The following CTNNA3 variants were observed in gnomAD, a reference collection of about 807,000 sequenced individuals.
CTNNA3 encodes catenin alpha 3, also known as catenin alpha-3.
Under a neutral mutation model 95.7 loss-of-function variants are expected in CTNNA3, and 76 were observed. The ratio of observed to expected loss-of-function variants is 0.79; its 90% CI spans 0.66 to 0.96. The LOEUF (loss-of-function observed/expected upper bound fraction) is 0.96, where lower values mean the gene tolerates loss of function less well. CTNNA3 is among the 40% of genes least tolerant of loss of function. The probability of loss-of-function intolerance (pLI) is 0.00; values close to 1 mark genes in which losing one functional copy is unlikely to be tolerated. For missense variants in CTNNA3, 1,191 were observed against 1,089.8 expected, an observed-to-expected ratio of 1.09 and a Z score of -1.31; for synonymous variants, 431 against 374.4, an observed-to-expected ratio of 1.15 and a Z score of -1.74.
At chr10:67,626,550 A>T (rs971640723) in intron 2 of CTNNA3, among the ~76,000 whole-genome samples, 3 of 152,214 alleles carry the variant, frequency 2.0e-5, no homozygotes, top group Admixed American at 2.0e-4. Context: ...TCTGATACAC[A>T]TGAAGGGATC....
intron 16 of CTNNA3, among the ~76,000 whole-genome samples, chr10:65,980,245 G>C (rs2078290700): frequency 6.6e-6 from 1 of 151,696 alleles, no homozygotes; most frequent in Non-Finnish European, 1.5e-5. Context: ...TAAATTCCTG[G>C]AAATATATAA....
intron 11 of CTNNA3, among the ~76,000 whole-genome samples, chr10:66,491,438 C>G (rs776714908): frequency 3.9e-5 from 6 of 152,096 alleles, no homozygotes; most frequent in African/African-American, 9.7e-5. Context: ...GTGGAAGAAG[C>G]CTATGAACTT....
intron 7 of CTNNA3, among the ~76,000 whole-genome samples, chr10:67,142,425 G>C (rs938033962): frequency 6.6e-6 from 1 of 152,054 alleles, no homozygotes; most frequent in Admixed American, 6.6e-5. Context: ...ATTACAATGA[G>C]TGAACCTGCT....
At chr10:66,146,019 A>C (rs1261933147) in intron 13 of CTNNA3, among the ~76,000 whole-genome samples, 1 of 152,032 alleles carries the variant, frequency 6.6e-6, no homozygotes, top group African/African-American at 2.4e-5. Context: ...AAGCCCTGCT[A>C]ATGTTTGTGT....
At chr10:66,443,619 T>C (rs1213718441) in intron 11 of CTNNA3, among the ~76,000 whole-genome samples, 4 of 152,126 alleles carry the variant, frequency 2.6e-5, no homozygotes, top group African/African-American at 7.2e-5. Flanking sequence ...GGGTCCTGTC[T>C]GTTAGAAGGA....
chr10:66,003,758 A>G (rs1022013259), intron 15 of CTNNA3, among the ~76,000 whole-genome samples: 2 of 152,212 alleles, frequency 1.3e-5, no homozygotes, highest in African/African-American at 4.8e-5. Context: ...ACATAACATA[A>G]TAACAAACAT....
chr10:66,926,374 C>CGGTGTTG (rs1847074565), intron 7 of CTNNA3: 1 of 632,736 alleles, frequency 1.6e-6, no homozygotes, highest in South Asian at 1.8e-5. Context: ...GCTGCGAATG[C>CGGTGTTG]GGTGTTGGGA....
At chr10:67,518,235 T>C (rs1292319230) in intron 5 of CTNNA3, among the ~76,000 whole-genome samples, 1 of 152,142 alleles carries the variant, frequency 6.6e-6, no homozygotes, top group African/African-American at 2.4e-5. Flanking sequence ...CTAAATTGTA[T>C]GACACAAATA....
At chr10:67,248,049 A>G (rs1285815299) in intron 5 of CTNNA3, among the ~76,000 whole-genome samples, 1 of 152,198 alleles carries the variant, frequency 6.6e-6, no homozygotes, top group Non-Finnish European at 1.5e-5. Flanking sequence ...GGCCTCGTGC[A>G]GTGGCTCACG....
chr10:66,408,266 G>T (rs769884519), intron 11 of CTNNA3, among the ~76,000 whole-genome samples: 2 of 152,086 alleles, frequency 1.3e-5, no homozygotes, highest in South Asian at 4.2e-4. Flanking sequence ...CATGGATGTG[G>T]AAATCCAGTT....
chr10:66,900,417 A>G (rs2132522768), intron 7 of CTNNA3, among the ~76,000 whole-genome samples: 1 of 152,344 alleles, frequency 6.6e-6, no homozygotes, highest in South Asian at 2.1e-4. Context: ...GATGGGGAGA[A>G]ACCAGAACAG....
Position 67,363,855 on chromosome 10 carries a change from C to T in CTNNA3, c.580-143985G>A, listed in dbSNP as rs539472384. 2.0e-5 allele frequency among the ~76,000 whole-genome samples: 3 copies of T among 152,256 alleles called. No individual in the cohort carries two copies. The South Asian group carries it at 6.2e-4, about 32-fold the overall frequency. On this transcript the variant is annotated intron_variant, in intron 5 of 17. Transcript: ENST00000433211. ...TAATAGCCTACCAATCAAGAACAGTCCAGGACCAGACATATTCACAGCCAA... is the reference window on the plus strand; with the variant it reads ...TAATAGCCTACCAATCAAGAACAGTTCAGGACCAGACATATTCACAGCCAA...
intron 2 of CTNNA3, among the ~76,000 whole-genome samples, chr10:67,608,792 A>T (rs1843358674): frequency 6.6e-6 from 1 of 152,142 alleles, no homozygotes; most frequent in South Asian, 2.1e-4. Context: ...TTACATTATT[A>T]AAAAACACCC....
At chr10:67,560,952 T>C (rs531324379) in intron 3 of CTNNA3, among the ~76,000 whole-genome samples, 2,804 of 151,488 alleles carry the variant, frequency 0.019, 41 homozygotes, top group Non-Finnish European at 0.025. Flanking sequence ...CCTAAATATA[T>C]ATGCACCAAA....
intron 15 of CTNNA3, among the ~76,000 whole-genome samples, chr10:66,044,406 ATGTT>A (rs892991454): frequency 2.0e-5 from 3 of 151,764 alleles, no homozygotes; most frequent in African/African-American, 4.8e-5. Context: ...ACACCCTTTA[ATGTT>A]TGTTTATCTT....
chr10:66,567,265 G>A (rs1046167049), intron 10 of CTNNA3, among the ~76,000 whole-genome samples: 2 of 152,010 alleles, frequency 1.3e-5, no homozygotes, highest in African/African-American at 4.8e-5. Context: ...TGAAGAAAGA[G>A]ATGATGTTTC....
Position 66,617,561 on chromosome 10 carries a change from C to A in CTNNA3, c.1374+4131G>T, listed in dbSNP as rs557192238. On this transcript the variant is annotated intron_variant, in intron 10 of 17. Transcript: ENST00000433211. ...AATCAGGTATTGATGGGACGTATCT[C>A]AAAATAATAAGAGCTATCTATGACA... Among the ~76,000 whole-genome samples, 74 of 152,154 alleles carry A rather than the reference C, an allele frequency of 4.9e-4. No individual in the cohort carries two copies. In the South Asian group the frequency reaches 0.014, roughly 29 times the overall value.
rs572151037 is a variant in CTNNA3 at position 66,429,059 on chromosome 10, T to G, written c.1532-49707A>C. 7.9e-5 allele frequency among the ~76,000 whole-genome samples: 12 copies of G among 152,032 alleles called. No individual in the cohort carries two copies. In the South Asian group the frequency reaches 2.5e-3, roughly 32 times the overall value. Reference sequence around the variant, plus strand: ...AGAATCAAATAGATGCAATAAAAAATGATAAAGGGGATATCACCACCGATC... The same window carrying G: ...AGAATCAAATAGATGCAATAAAAAAGGATAAAGGGGATATCACCACCGATC... On this transcript the variant is annotated intron_variant, in intron 11 of 17. Coordinates refer to ENST00000433211, the MANE Select transcript of CTNNA3 (RefSeq NM_013266.4).
chr10:66,107,236 T>C (rs1291459053), intron 13 of CTNNA3, among the ~76,000 whole-genome samples: 2 of 152,214 alleles, frequency 1.3e-5, no homozygotes, highest in African/African-American at 2.4e-5. Flanking sequence ...ATCAGAATTG[T>C]GGAGATATAT....
Sources: allele counts gnomAD v4.1 joint callset (sites outside exome capture counted in the v4.1 genomes callset), GRCh38; gene constraint gnomAD v4.1.1; transcripts MANE v1.5; gene names NCBI Gene and HGNC (gene_info 2026-07-23, HGNC 2026-07-21).